ARHGEF11: variants seen among roughly 807,000 people sequenced by gnomAD.
ARHGEF11 encodes the protein Rho guanine exchange factor (GEF) 11.
In ARHGEF11, 55 loss-of-function variants were observed where a neutral mutation model predicts 193.7. The observed-to-expected ratio is 0.28, with a 90% CI of 0.23 to 0.36. The LOEUF (loss-of-function observed/expected upper bound fraction) is 0.36. ARHGEF11 is among the 10% of genes least tolerant of loss of function. ARHGEF11 has a pLI of 1.00. For missense variants in ARHGEF11, 1,723 were observed against 2,005.6 expected (o/e 0.86, Z 2.69); for synonymous variants, 693 against 768.0 (o/e 0.90, Z 1.62).
At chr1:156,996,922 TATG>T (rs1392124666) in intron 1 of ARHGEF11, among the ~76,000 whole-genome samples, 1 of 146,846 alleles carries the variant, frequency 6.8e-6, no homozygotes, top group African/African-American at 2.5e-5. Context: ...AGTGCAGTGG[TATG>T]ATAATAGTTC....
Position 156,959,147 on chromosome 1 carries a change from A to G in ARHGEF11, c.1283-5T>C, listed in dbSNP as rs377270959. 2.1e-4 allele frequency: 346 copies of G among 1,613,654 alleles called. No homozygotes were observed. Among genetic ancestry groups the G allele is most frequent in the Non-Finnish European group, 2.6e-4 (308 of 1,179,776 alleles). On this transcript the variant is annotated splice_region_variant and splice_polypyrimidine_tract_variant and intron_variant, in intron 15 of 40. Coordinates refer to ENST00000368194, the MANE Select transcript of ARHGEF11 (RefSeq NM_198236.3). ...CGCTGTTCCGCAGGCGCGAGTCTGT[A>G]GTGGGAGATCAGAGAAAGCAGAGTG...
chr1:156,944,543 AG>A, intron 30 of ARHGEF11, 110 bp from the exon 31 acceptor site: 1 of 1,189,088 alleles, frequency 8.4e-7, no homozygotes, highest in Non-Finnish European at 1.2e-6. Flanking sequence ...TTGGTAAATA[AG>A]AAAAAGTCCT....
rs935349970 is a variant in ARHGEF11, at chr1:156,959,137, G to A, written c.1288C>T (p.Arg430Cys). The A allele has an allele frequency of 9.3e-6, 15 of 1,613,974 alleles. No homozygotes were observed. The highest frequency in any genetic ancestry group is 6.7e-5 in the Admixed American group (4 of 60,004). ...CGGGCATCTTCGCTGTTCCGCAGGC[G>A]CGAGTCTGTAGTGGGAGATCAGAGA... Reference protein sequence around the residue: ...PEMLQAEIDSRLRNSEDARGV... With the variant: ...PEMLQAEIDSCLRNSEDARGV... Residue 430 changes from arginine to cysteine, a missense_variant, in exon 16 of 41, where the codon CGC becomes TGC. Arg to Cys is a radical substitution (Grantham distance 180). Transcript: ENST00000368194.
intron 1 of ARHGEF11, among the ~76,000 whole-genome samples, chr1:156,988,852 A>C (rs2102517255): frequency 6.6e-6 from 1 of 152,290 alleles, no homozygotes; most frequent in African/African-American, 2.4e-5. Context: ...CATTGAACTG[A>C]AGGAGGAAGA....
At position 156,946,734 on chromosome 1, in the gene ARHGEF11, G is replaced by A. The variant is rs143103725; in HGVS notation, c.2622C>T (p.Ser874=). Residue 874 remains serine (S), a synonymous_variant, in exon 28 of 41, where the codon TCC becomes TCT. Coordinates refer to ENST00000368194, the MANE Select transcript of ARHGEF11 (RefSeq NM_198236.3). Reference sequence around the variant, plus strand: ...TTAGCTCTAGGGCTATTGACTGATAGGAACAGAACTGTGCAGCCACTTGCT... The same window carrying A: ...TTAGCTCTAGGGCTATTGACTGATAAGAACAGAACTGTGCAGCCACTTGCT... ...ELQQVAAQFC[S]YQSIALELIK... 5.0e-6 allele frequency: 8 copies of A among 1,614,106 alleles called. No individual in the cohort carries two copies. In the African/African-American group the frequency reaches 1.1e-4, roughly 22 times the overall value.
intron 1 of ARHGEF11, among the ~76,000 whole-genome samples, chr1:157,000,920 T>TG (rs1667135603): frequency 6.6e-6 from 1 of 152,174 alleles, no homozygotes; most frequent in South Asian, 2.1e-4. Context: ...TCCTGGCTGG[T>TG]GACTTCAGGA....
intron 1 of ARHGEF11, among the ~76,000 whole-genome samples, chr1:157,012,540 C>G (rs551305200): frequency 6.2e-4 from 95 of 152,342 alleles, no homozygotes; most frequent in African/African-American, 2.2e-3. Context: ...CCCTTCACTT[C>G]CATGCTTTTC....
intron 1 of ARHGEF11, among the ~76,000 whole-genome samples, chr1:157,043,336 C>T (rs933390427): frequency 6.6e-6 from 1 of 152,100 alleles, no homozygotes; most frequent in African/African-American, 2.4e-5. Context: ...ACAAAACACA[C>T]CCCCCACAGC....
chr1:156,936,480 G>GAAAAAAAA (rs35863393), intron 40 of ARHGEF11, among the ~76,000 whole-genome samples: 12 of 48,016 alleles, frequency 2.5e-4, no homozygotes, highest in African/African-American at 1.3e-3. Flanking sequence ...CAAATAAATA[G>GAAAAAAAA]AAAAAAAAAA....
intron 1 of ARHGEF11, among the ~76,000 whole-genome samples, chr1:156,986,427 C>A (rs2102487599): frequency 6.6e-6 from 1 of 152,204 alleles, no homozygotes; most frequent in South Asian, 2.1e-4. Flanking sequence ...ATAACCCTTC[C>A]TGGAGTTAGG....
At chr1:157,043,862 T>C (rs1024181534) in intron 1 of ARHGEF11, among the ~76,000 whole-genome samples, 1 of 152,150 alleles carries the variant, frequency 6.6e-6, no homozygotes, top group Non-Finnish European at 1.5e-5. Flanking sequence ...CACCATTCCA[T>C]ACCAACCAGC....
intron 1 of ARHGEF11, among the ~76,000 whole-genome samples, chr1:157,001,247 C>T (rs1667173070): frequency 6.6e-6 from 1 of 152,020 alleles, no homozygotes; most frequent in South Asian, 2.1e-4. Flanking sequence ...TTTTTTGTTT[C>T]TTTAGCACCA....
At chr1:156,991,958 C>G (rs541494712) in intron 1 of ARHGEF11, among the ~76,000 whole-genome samples, 1 of 151,532 alleles carries the variant, frequency 6.6e-6, no homozygotes, top group Non-Finnish European at 1.5e-5. Flanking sequence ...CCTCGTGATC[C>G]GCCCGCCTCG....
At chr1:156,958,720 G>A (rs369772903) in intron 17 of ARHGEF11, 22 bp downstream of exon 17, 5 of 1,613,928 alleles carry the variant, frequency 3.1e-6, no homozygotes, top group Admixed American at 1.7e-5. Flanking sequence ...TCAGTGGGGT[G>A]GGAGGAAGCT....
At chr1:157,028,658 C>A (rs1213042078) in intron 1 of ARHGEF11, among the ~76,000 whole-genome samples, 3 of 152,108 alleles carry the variant, frequency 2.0e-5, no homozygotes, top group Non-Finnish European at 2.9e-5. Flanking sequence ...GCTTAAAATT[C>A]TATTCATTCC....
intron 37 of ARHGEF11, 56 bp from the exon 38 acceptor site, chr1:156,938,569 A>G: frequency 1.3e-6 from 2 of 1,554,890 alleles, no homozygotes; most frequent in Non-Finnish European, 1.8e-6. Flanking sequence ...AAGGAAAGGG[A>G]AGGGAGAGAG....
In ARHGEF11 at chr1:156,958,829, C is replaced by T. The variant is rs1660337546; in HGVS notation, c.1415G>A (p.Gly472Asp). Reference protein sequence around the residue: ...KRTLGLGSLYGENDLLDLDGD... With the variant: ...KRTLGLGSLYDENDLLDLDGD... The stretch of plus-strand genomic sequence containing the variant: ...ATCCAGGTCCAGCAGGTCATTTTCA[C>T]CATACAGGCTGCCCAGCCCCAGTGT... Residue 472 changes from glycine (G) to aspartate (D), a missense_variant, in exon 17 of 41, where the codon GGT becomes GAT. Gly to Asp is a moderately conservative substitution (Grantham distance 94). Around this residue, in one of 5 missense-constraint regions of ARHGEF11, gnomAD observed 646 missense variants for 710.7 expected, o/e 0.91. Transcript: ENST00000368194. 19 of 1,614,114 alleles carry T rather than the reference C, an allele frequency of 1.2e-5. No individual in the cohort carries two copies. Among genetic ancestry groups the T allele is most frequent in the Non-Finnish European group, 1.5e-5 (18 of 1,180,050 alleles).
At chr1:156,953,430 C>T (rs1659412277) in intron 21 of ARHGEF11, among the ~76,000 whole-genome samples, 2 of 152,092 alleles carry the variant, frequency 1.3e-5, no homozygotes, top group Admixed American at 1.3e-4. Context: ...AGGGCGAAAC[C>T]CTGTCTCAAA....
At chr1:156,988,785 T>C (rs539052680) in intron 1 of ARHGEF11, among the ~76,000 whole-genome samples, 2 of 152,270 alleles carry the variant, frequency 1.3e-5, no homozygotes, top group East Asian at 3.9e-4. Flanking sequence ...GTAAGTATAC[T>C]TGCAACAGAT....
Sources: gnomAD v4.1 joint callset for allele counts (sites outside exome capture counted in the v4.1 genomes callset) on GRCh38, gnomAD v4.1.1 for gene constraint, gnomAD v4.1.1 regional missense constraint, MANE v1.5 for transcripts, NCBI Gene and HGNC (gene_info 2026-07-23, HGNC 2026-07-21) for gene names.